FBXL7: variants seen among roughly 807,000 people sequenced by gnomAD.
FBXL7 encodes the protein F-box/LRR-repeat protein 7.
FBXL7 carries 12 observed loss-of-function variants against 38.3 expected under a neutral mutation model. That is an observed-to-expected ratio of 0.31 (90% CI 0.20 to 0.51). The LOEUF (loss-of-function observed/expected upper bound fraction) is 0.51, where lower values mean the gene tolerates loss of function less well. FBXL7 is among the 20% of genes least tolerant of loss of function. The pLI is 0.98. For synonymous variants in FBXL7, 297 were observed against 300.9 expected (o/e 0.99, Z 0.13); for missense variants, 567 against 676.4 (o/e 0.84, Z 1.79).
At chr5:15,542,903 A>G (rs1737795307) in intron 1 of FBXL7, among the ~76,000 whole-genome samples, 1 of 152,206 alleles carries the variant, frequency 6.6e-6, no homozygotes, top group Non-Finnish European at 1.5e-5. Context: ...AGTACAGAAC[A>G]GCTGGTTTCC....
At chr5:15,547,947 G>A (rs1444578123) in intron 1 of FBXL7, among the ~76,000 whole-genome samples, 1 of 152,170 alleles carries the variant, frequency 6.6e-6, no homozygotes, top group Non-Finnish European at 1.5e-5. Flanking sequence ...TTCCTGACCT[G>A]GGCTGTCTAG....
At chr5:15,919,987 G>A (rs1248720401) in intron 2 of FBXL7, among the ~76,000 whole-genome samples, 1 of 152,194 alleles carries the variant, frequency 6.6e-6, no homozygotes, top group Non-Finnish European at 1.5e-5. Context: ...GGCCAACCAT[G>A]GTGGCTCACG....
At chr5:15,755,489 T>G (rs901199274) in intron 2 of FBXL7, among the ~76,000 whole-genome samples, 24 of 152,216 alleles carry the variant, frequency 1.6e-4, no homozygotes, top group Admixed American at 1.0e-3. Context: ...TTGTCCCATC[T>G]ATCTAATGAG....
intron 2 of FBXL7, among the ~76,000 whole-genome samples, chr5:15,838,216 C>T (rs1738641644): frequency 6.6e-6 from 1 of 152,062 alleles, no homozygotes; most frequent in Non-Finnish European, 1.5e-5. Context: ...GCCATATAAG[C>T]CACAAGATGG....
intron 1 of FBXL7, among the ~76,000 whole-genome samples, chr5:15,530,983 A>G (rs1190109042): frequency 6.6e-6 from 1 of 152,206 alleles, no homozygotes; most frequent in East Asian, 1.9e-4. Context: ...TTACCTGATC[A>G]CAGTGAGACA....
At position 15,936,422 on chromosome 5, in the gene FBXL7, T is replaced by A. The variant is rs758521502; in HGVS notation, c.740-28T>A. 3.8e-6 allele frequency: 6 copies of A among 1,597,512 alleles called. No individual in the cohort carries two copies. In the Admixed American group the frequency reaches 1.0e-4, roughly 27 times the overall value. ...TGGCTCCCCTGCTGGCAGGTTGCTC[T>A]GAGCCTGTGTTCTGTCTCTTTGTGC... On this transcript the variant is annotated intron_variant, in intron 3 of 3. Transcript: ENST00000504595. This position sits in a 1 kb window ranked among gnomAD's most constrained non-coding sequence, Gnocchi z 6.0.
intron 1 of FBXL7, among the ~76,000 whole-genome samples, chr5:15,587,219 A>G (rs1739333241): frequency 6.6e-6 from 1 of 152,044 alleles, no homozygotes; most frequent in Non-Finnish European, 1.5e-5. Context: ...GTATCTCCCC[A>G]CTTACTGGAA....
At chr5:15,813,165 T>C (rs142945343) in intron 2 of FBXL7, among the ~76,000 whole-genome samples, 4,240 of 152,240 alleles carry the variant, frequency 0.028, 214 homozygotes, top group African/African-American at 0.097. Context: ...TCCAATACTA[T>C]GTTGAATAGG....
chr5:15,799,356 CTTT>C (rs34953272), intron 2 of FBXL7, among the ~76,000 whole-genome samples: 1 of 90,874 alleles, frequency 1.1e-5, no homozygotes, highest in Non-Finnish European at 2.0e-5. Context: ...AAACCCCTCC[CTTT>C]TTTTTTTTTT....
chr5:15,696,160 T>G (rs1743324835), intron 2 of FBXL7, among the ~76,000 whole-genome samples: 1 of 152,240 alleles, frequency 6.6e-6, no homozygotes, highest in African/African-American at 2.4e-5. Flanking sequence ...AGTGCTTTAC[T>G]GGAATACGTA....
chr5:15,808,546 CTA>C (rs1737776048), intron 2 of FBXL7, among the ~76,000 whole-genome samples: 1 of 152,096 alleles, frequency 6.6e-6, no homozygotes, highest in South Asian at 2.1e-4. Flanking sequence ...TTTTGAGTAC[CTA>C]GTAGAGTAAA....
intron 2 of FBXL7, among the ~76,000 whole-genome samples, chr5:15,880,937 T>C (rs896946404): frequency 8.6e-5 from 13 of 151,878 alleles, no homozygotes; most frequent in African/African-American, 3.1e-4. Flanking sequence ...TACTGTTTTT[T>C]ATTTTGGTTT....
At chr5:15,838,036 A>G (rs1293061995) in intron 2 of FBXL7, among the ~76,000 whole-genome samples, 1 of 152,084 alleles carries the variant, frequency 6.6e-6, no homozygotes, top group African/African-American at 2.4e-5. Flanking sequence ...TAGGCCATGG[A>G]GCAAGAGGAC....
chr5:15,801,840 G>C (rs1015791543), intron 2 of FBXL7, among the ~76,000 whole-genome samples: 1 of 151,296 alleles, frequency 6.6e-6, no homozygotes, highest in African/African-American at 2.4e-5. Flanking sequence ...TTCGGGGGGG[G>C]CGGGGTTAGT....
chr5:15,501,795 C>G (rs758888022), intron 1 of FBXL7: 10 of 954,776 alleles, frequency 1.0e-5, no homozygotes, highest in Non-Finnish European at 1.2e-5. Context: ...AAAACCATAT[C>G]CACAAGAACC....
intron 2 of FBXL7, among the ~76,000 whole-genome samples, chr5:15,627,336 G>C (rs1016417282): frequency 6.6e-6 from 1 of 152,170 alleles, no homozygotes; most frequent in Non-Finnish European, 1.5e-5. Flanking sequence ...CACCCTCATG[G>C]AAGCCTGGGA....
intron 2 of FBXL7, among the ~76,000 whole-genome samples, chr5:15,797,348 A>G (rs1006457887): frequency 5.3e-5 from 8 of 152,368 alleles, no homozygotes; most frequent in Admixed American, 3.9e-4. Context: ...TGGTCTCTCT[A>G]TATAAACATG....
chr5:15,816,406 C>A (rs1026102881), intron 2 of FBXL7, among the ~76,000 whole-genome samples: 1 of 152,092 alleles, frequency 6.6e-6, no homozygotes, highest in African/African-American at 2.4e-5. Flanking sequence ...ACCAAATACC[C>A]TAAGTTCTCA....
At chr5:15,869,894 G>C (rs980050803) in intron 2 of FBXL7, among the ~76,000 whole-genome samples, 1 of 152,102 alleles carries the variant, frequency 6.6e-6, no homozygotes. Flanking sequence ...CAGATCACTT[G>C]AGTCCAGGAG....
Sources: allele counts gnomAD v4.1 joint callset (sites outside exome capture counted in the v4.1 genomes callset), GRCh38; gene constraint gnomAD v4.1.1; non-coding constraint Gnocchi (gnomAD v3.1); transcripts MANE v1.5; gene names NCBI Gene and HGNC (gene_info 2026-07-23, HGNC 2026-07-21).